Variants in KIF13A observed in about 807,000 individuals in gnomAD.
KIF13A encodes kinesin family member 13A.
Under a neutral mutation model 212.2 loss-of-function variants are expected in KIF13A, and 79 were observed. The observed-to-expected ratio is 0.37, with a 90% CI of 0.31 to 0.45. The LOEUF is 0.45. KIF13A is among the 20% of genes least tolerant of loss of function. The pLI, the probability that KIF13A is intolerant of heterozygous loss-of-function variation, is 1.00. For synonymous variants in KIF13A, 789 were observed against 808.6 expected (o/e 0.98, Z 0.41); for missense variants, 1,901 against 2,209.0 (o/e 0.86, Z 2.79).
intron 2 of KIF13A, among the ~76,000 whole-genome samples, chr6:17,907,162 C>T (rs1336709985): frequency 6.6e-6 from 1 of 152,100 alleles, no homozygotes; most frequent in Admixed American, 6.6e-5. Context: ...TATTTAATGA[C>T]CCTATACATA....
At chr6:17,857,286 C>T (rs895913822) in intron 4 of KIF13A, among the ~76,000 whole-genome samples, 3 of 152,166 alleles carry the variant, frequency 2.0e-5, no homozygotes, top group African/African-American at 7.2e-5. Flanking sequence ...CAAATCTCAT[C>T]TTGAATTGTA....
At chr6:17,782,502 C>T (rs925022141) in intron 29 of KIF13A, among the ~76,000 whole-genome samples, 2 of 151,632 alleles carry the variant, frequency 1.3e-5, no homozygotes, top group African/African-American at 4.8e-5. Flanking sequence ...CAGGCATGGT[C>T]GTGGGTGCCT....
chr6:17,980,610 G>C (rs1306116179), intron 2 of KIF13A, among the ~76,000 whole-genome samples: 1 of 152,086 alleles, frequency 6.6e-6, no homozygotes, highest in Non-Finnish European at 1.5e-5. Context: ...AAGATTTCGG[G>C]AAGTGGCAGA....
chr6:17,946,775 C>A (rs1169080844), intron 2 of KIF13A, among the ~76,000 whole-genome samples: 1 of 152,154 alleles, frequency 6.6e-6, no homozygotes, highest in East Asian at 1.9e-4. Flanking sequence ...TTCATAAAAG[C>A]CCCAAACTGG....
At position 17,850,291 on chromosome 6, in the gene KIF13A, C is replaced by T; in HGVS notation, c.717+32G>A. 5 of 1,577,680 alleles carry T rather than the reference C, an allele frequency of 3.2e-6. No homozygotes were observed. Among genetic ancestry groups the T allele is most frequent in the Non-Finnish European group, 4.3e-6 (5 of 1,158,754 alleles). On this transcript the variant is annotated intron_variant, in intron 8 of 38. Transcript: ENST00000259711. The surrounding 1 kb of genome is among the most constrained non-coding windows in gnomAD (Gnocchi z 6.2). ...ATGGACACTTTCAGTTCTTCCACCC[C>T]CACTCCAAAAAGGTTCTGCCTAATC...
chr6:17,900,766 G>T lies in KIF13A; in HGVS notation c.147-2586C>A, dbSNP rs1378640366. Reference sequence around the variant, plus strand: ...TACACCTTTCTTAAGGTTTCTAAGGGACTCGAACAAAACTGAGAGCTCAGT... The same window carrying T: ...TACACCTTTCTTAAGGTTTCTAAGGTACTCGAACAAAACTGAGAGCTCAGT... On this transcript the variant is annotated intron_variant, in intron 2 of 38. Coordinates refer to ENST00000259711, the MANE Select transcript of KIF13A (RefSeq NM_022113.6). This position sits in a 1 kb window ranked among gnomAD's most constrained non-coding sequence, Gnocchi z 4.6. Among the ~76,000 whole-genome samples, 1 of 151,974 alleles carries T rather than the reference G, an allele frequency of 6.6e-6. No individual in the cohort carries two copies. The highest frequency in any genetic ancestry group is 1.5e-5 in the Non-Finnish European group (1 of 67,994).
At position 17,892,464 on chromosome 6, in the gene KIF13A, A is replaced by G. The variant is rs1772154442; in HGVS notation, c.159+5704T>C. ...GTATCAAGGTCCAACCCTGACATCA[A>G]GGCCTGCCACAGCTGGGTGATACAT... is the stretch of plus-strand genomic sequence containing the variant. On this transcript the variant is annotated intron_variant, in intron 3 of 38. Coordinates refer to ENST00000259711, the MANE Select transcript of KIF13A (RefSeq NM_022113.6). The surrounding 1 kb of genome is among the most constrained non-coding windows in gnomAD (Gnocchi z 4.7). Among the ~76,000 whole-genome samples the G allele has an allele frequency of 6.6e-6, 1 of 152,214 alleles. No individual in the cohort carries two copies. The highest frequency in any genetic ancestry group is 2.4e-5 in the African/African-American group (1 of 41,450).
At chr6:17,806,056 A>G (rs1013139073) in intron 18 of KIF13A, among the ~76,000 whole-genome samples, 2 of 151,872 alleles carry the variant, frequency 1.3e-5, no homozygotes, top group African/African-American at 4.8e-5. Context: ...AGTAGCTGGG[A>G]CTATAGGCAC....
In KIF13A at chr6:17,825,915, T is replaced by C. The variant is rs1374321464; in HGVS notation, c.1639A>G (p.Lys547Glu). The C allele has an allele frequency of 6.2e-7, 1 of 1,613,878 alleles. No homozygotes were observed. Among genetic ancestry groups the C allele is most frequent in the African/African-American group, 1.3e-5 (1 of 74,928 alleles). The change falls in exon 16 of 39, where the codon AAA becomes GAA. Residue 547 changes from lysine to glutamate, a missense_variant. This residue lies in a region of KIF13A where 6 missense variants were observed against 24.7 expected (regional missense o/e 0.24). Transcript: ENST00000259711. This position sits in a 1 kb window ranked among gnomAD's most constrained non-coding sequence, Gnocchi z 4.5. ...HFFRINLPKR[K>E]RRDWLKDFEK... The stretch of plus-strand genomic sequence containing the variant: ...AAGTCTTTCAACCAATCTCGACGTT[T>C]CCTCTTAGGTAAGTTTATTCTGTGG...
rs369691147 is a variant in KIF13A at position 17,939,411 on chromosome 6, AAC to A, written c.147-41233_147-41232del. 7.0e-4 allele frequency among the ~76,000 whole-genome samples: 106 copies of A among 152,324 alleles called. 4 individuals carry two copies. The South Asian group carries it at 0.021, about 31-fold the overall frequency. On this transcript the variant is annotated intron_variant, in intron 2 of 38. Coordinates refer to ENST00000259711, the MANE Select transcript of KIF13A (RefSeq NM_022113.6). The stretch of plus-strand genomic sequence containing the variant: ...AGGCCATTCGAGTTTATTTTTCTTC[AAC>A]AGTCTTGCTGTCACTGAACATAGTC...
chr6:17,857,099 A>G (rs534619660), intron 4 of KIF13A, among the ~76,000 whole-genome samples: 1 of 151,992 alleles, frequency 6.6e-6, no homozygotes, highest in Non-Finnish European at 1.5e-5. Flanking sequence ...ATTTGAAAAT[A>G]ATGTAACACA....
intron 38 of KIF13A, among the ~76,000 whole-genome samples, chr6:17,766,365 G>T (rs561011307): frequency 6.6e-6 from 1 of 151,654 alleles, no homozygotes; most frequent in Non-Finnish European, 1.5e-5. Flanking sequence ...TCAGCCTCCC[G>T]AGTAGCTGGG....
chr6:17,874,259 A>C (rs1203710313), intron 3 of KIF13A, among the ~76,000 whole-genome samples: 1 of 132,264 alleles, frequency 7.6e-6, no homozygotes. Context: ...ATCTCCAGCA[A>C]AGCATGTTTT....
chr6:17,920,822 C>T (rs1000353406), intron 2 of KIF13A, among the ~76,000 whole-genome samples: 11 of 149,772 alleles, frequency 7.3e-5, no homozygotes, highest in Admixed American at 2.7e-4. Context: ...TTCAGTGAGC[C>T]GAGATTGCAC....
chr6:17,885,790 A>C (rs1310074408), intron 3 of KIF13A, among the ~76,000 whole-genome samples: 1 of 152,224 alleles, frequency 6.6e-6, no homozygotes, highest in Non-Finnish European at 1.5e-5. Context: ...GCAATGAAGC[A>C]CTAATTCAGT....
chr6:17,833,855 C>CAAAAAAAAAAAA (rs11358140), intron 12 of KIF13A, 106 bp downstream of exon 12: 2 of 365,540 alleles, frequency 5.5e-6, no homozygotes, highest in Non-Finnish European at 9.0e-6. Flanking sequence ...GACTCCGTCT[C>CAAAAAAAAAAAA]AAAAAAAAAA....
In KIF13A at chr6:17,934,712, C is replaced by CA. The variant is rs1776304957; in HGVS notation, c.147-36533dup. Among the ~76,000 whole-genome samples, 1 of 151,328 alleles carries CA rather than the reference C, an allele frequency of 6.6e-6. No homozygotes were observed. Among genetic ancestry groups the CA allele is most frequent in the South Asian group, 2.1e-4 (1 of 4,802 alleles). Reference sequence around the variant, plus strand: ...CCGAGGTGGGAGGATCGCTTGAGCCCAGGAGGTAGAGGCTGTGGTGAGCCA... The same window carrying CA: ...CCGAGGTGGGAGGATCGCTTGAGCCCAAGGAGGTAGAGGCTGTGGTGAGCCA... On this transcript the variant is annotated intron_variant, in intron 2 of 38. Transcript: ENST00000259711. This position sits in a 1 kb window ranked among gnomAD's most constrained non-coding sequence, Gnocchi z 5.4.
intron 20 of KIF13A, among the ~76,000 whole-genome samples, chr6:17,801,236 A>G (rs1011665537): frequency 7.3e-5 from 11 of 151,664 alleles, no homozygotes; most frequent in Non-Finnish European, 1.0e-4. Flanking sequence ...TCAAGCCTAT[A>G]ATCACAGCAC....
intron 18 of KIF13A, among the ~76,000 whole-genome samples, chr6:17,807,905 G>A (rs1192168494): frequency 2.0e-5 from 3 of 152,194 alleles, no homozygotes; most frequent in Non-Finnish European, 4.4e-5. Flanking sequence ...AATATTGTGG[G>A]CGGGTTCCCC....
Sources: allele counts gnomAD v4.1 joint callset (sites outside exome capture counted in the v4.1 genomes callset), GRCh38; gene constraint gnomAD v4.1.1; regional missense constraint gnomAD v4.1.1; non-coding constraint Gnocchi (gnomAD v3.1); transcripts MANE v1.5; gene names NCBI Gene and HGNC (gene_info 2026-07-23, HGNC 2026-07-21).